KRT80: variants seen among roughly 807,000 people sequenced by gnomAD.
KRT80 encodes keratin, type II cytoskeletal 80.
A neutral mutation model predicts 51.5 loss-of-function variants in KRT80; 36 were observed. The ratio of observed to expected loss-of-function variants is 0.70; its 90% CI spans 0.54 to 0.92. KRT80 has a LOEUF of 0.92. Among genes scored for constraint, KRT80 ranks in the 40% least tolerant of loss-of-function variants. The pLI, the probability that KRT80 is intolerant of heterozygous loss-of-function variation, is 0.00. For synonymous variants in KRT80, 235 were observed against 248.3 expected (o/e 0.95, Z 0.50); for missense variants, 566 against 591.7 (o/e 0.96, Z 0.45).
intron 1 of KRT80, among the ~76,000 whole-genome samples, chr12:52,186,724 C>G (rs987646035): frequency 2.6e-5 from 4 of 152,214 alleles, no homozygotes; most frequent in Admixed American, 1.3e-4. Context: ...CAGTTAGGGA[C>G]AGTTTTGCCT....
At chr12:52,181,837 C>A (rs1189243095) in intron 2 of KRT80, among the ~76,000 whole-genome samples, 1 of 152,236 alleles carries the variant, frequency 6.6e-6, no homozygotes, top group Non-Finnish European at 1.5e-5. Context: ...CTCCAGACTT[C>A]TCGCTGGCCC....
chr12:52,186,491 C>A (rs1205507427), intron 1 of KRT80, among the ~76,000 whole-genome samples: 1 of 152,140 alleles, frequency 6.6e-6, no homozygotes, highest in East Asian at 1.9e-4. Context: ...CTGCAGCACC[C>A]CCATGGGTGG....
At chr12:52,173,562 T>C in intron 5 of KRT80, 38 bp downstream of exon 5, 1 of 1,603,478 alleles carries the variant, frequency 6.2e-7, no homozygotes, top group Non-Finnish European at 8.5e-7. Flanking sequence ...CAGAGAACTG[T>C]CCAGGCTGCT....
intron 1 of KRT80, among the ~76,000 whole-genome samples, chr12:52,188,973 G>C (rs576177612): frequency 6.6e-6 from 1 of 152,302 alleles, no homozygotes; most frequent in East Asian, 1.9e-4. Flanking sequence ...CAGGACCACC[G>C]GCAGAGCAGA....
chr12:52,177,280 A>C (rs1941242639), intron 4 of KRT80, among the ~76,000 whole-genome samples: 1 of 152,166 alleles, frequency 6.6e-6, no homozygotes, highest in South Asian at 2.1e-4. Context: ...TCAGGGGCAG[A>C]GCAGCCTATT....
intron 2 of KRT80, among the ~76,000 whole-genome samples, chr12:52,183,578 C>G (rs1382574688): frequency 1.3e-5 from 2 of 152,174 alleles, no homozygotes; most frequent in Non-Finnish European, 2.9e-5. Context: ...GTTCCCTACC[C>G]AGAGAGAGGA....
chr12:52,185,365 G>T lies in KRT80; in HGVS notation c.509+14C>A, dbSNP rs368564560. 2.1e-5 allele frequency: 33 copies of T among 1,597,432 alleles called. No homozygotes were observed. The African/African-American group carries it at 4.4e-4, about 21-fold the overall frequency. ...CTCAGGCCTTGCTCATGGCTCTCATGGGGCTCTACGTACCTGATTCGAAAC... is the reference window on the plus strand; with the variant it reads ...CTCAGGCCTTGCTCATGGCTCTCATTGGGCTCTACGTACCTGATTCGAAAC... On this transcript the variant is annotated intron_variant, in intron 2 of 8. Coordinates refer to ENST00000394815, the MANE Select transcript of KRT80 (RefSeq NM_182507.3).
intron 4 of KRT80, among the ~76,000 whole-genome samples, chr12:52,175,242 A>G (rs1366237950): frequency 6.6e-6 from 1 of 152,066 alleles, no homozygotes; most frequent in African/African-American, 2.4e-5. Flanking sequence ...CATTGTTCTT[A>G]TTGAACACAC....
chr12:52,184,887 C>T (rs770570803), intron 2 of KRT80, among the ~76,000 whole-genome samples: 1 of 152,218 alleles, frequency 6.6e-6, no homozygotes, highest in African/African-American at 2.4e-5. Flanking sequence ...AAATCAAACC[C>T]ATTCTTTCCA....
chr12:52,186,862 T>A (rs866630217), intron 1 of KRT80, among the ~76,000 whole-genome samples: 1 of 152,014 alleles, frequency 6.6e-6, no homozygotes, highest in African/African-American at 2.4e-5. Context: ...CCAGCTCAGC[T>A]TGGGGCTCCC....
Position 52,191,703 on chromosome 12 carries a change from G to A in KRT80, c.200C>T (p.Pro67Leu). ...AGCGGGGTCCAACTTGACATCCAGG[G>A]GCACCAGCAGGCCGGGGTTCACAGT... ...KVTVNPGLLV[P>L]LDVKLDPAVQ... The change falls in exon 1 of 9, where the codon CCC becomes CTC. Residue 67 changes from proline to leucine, a missense_variant. Coordinates refer to ENST00000394815, the MANE Select transcript of KRT80 (RefSeq NM_182507.3). 1 of 1,613,800 alleles carries A rather than the reference G, an allele frequency of 6.2e-7. No homozygotes were observed.
chr12:52,180,855 C>G, intron 3 of KRT80, 48 bp downstream of exon 3: 1 of 1,610,968 alleles, frequency 6.2e-7, no homozygotes, highest in Non-Finnish European at 8.5e-7. Flanking sequence ...GGAAAGAGGG[C>G]CCAGGGCCCA....
At chr12:52,186,321 G>A (rs1418275769) in intron 1 of KRT80, among the ~76,000 whole-genome samples, 1 of 152,082 alleles carries the variant, frequency 6.6e-6, no homozygotes, top group Admixed American at 6.5e-5. Context: ...CAGCACTGAG[G>A]CCTTCAGTTT....
intron 4 of KRT80, among the ~76,000 whole-genome samples, chr12:52,177,633 G>A (rs1941251295): frequency 9.2e-6 from 1 of 108,406 alleles, no homozygotes; most frequent in Non-Finnish European, 1.9e-5. Context: ...AATGTATCTT[G>A]GCTGTGTGTG....
chr12:52,177,299 A>G (rs1445779281), intron 4 of KRT80, among the ~76,000 whole-genome samples: 2 of 152,228 alleles, frequency 1.3e-5, no homozygotes, highest in Non-Finnish European at 2.9e-5. Flanking sequence ...TTCTCGGGGC[A>G]GCCTCCATGC....
At chr12:52,172,047 A>G (rs1592355621) in intron 7 of KRT80, 151 bp downstream of exon 7, 2 of 767,854 alleles carry the variant, frequency 2.6e-6, no homozygotes, top group Non-Finnish European at 4.2e-6. Context: ...AACTGGGCCA[A>G]GGTCCCAGTT....
chr12:52,182,691 C>T (rs1320016352), intron 2 of KRT80, among the ~76,000 whole-genome samples: 1 of 152,192 alleles, frequency 6.6e-6, no homozygotes, highest in African/African-American at 2.4e-5. Flanking sequence ...GCTGGCCTGG[C>T]AGCTGCCCTG....
At chr12:52,177,682 C>T (rs534880501) in intron 4 of KRT80, among the ~76,000 whole-genome samples, 3 of 142,400 alleles carry the variant, frequency 2.1e-5, no homozygotes, top group Admixed American at 7.4e-5. Flanking sequence ...TGTGTATGTA[C>T]ACACACACAT....
At chr12:52,183,868 C>T (rs1941362109) in intron 2 of KRT80, among the ~76,000 whole-genome samples, 1 of 152,006 alleles carries the variant, frequency 6.6e-6, no homozygotes, top group Non-Finnish European at 1.5e-5. Context: ...AAAGGAGGAT[C>T]CAGGGCTCCC....
Sources: gnomAD v4.1 joint callset for allele counts (sites outside exome capture counted in the v4.1 genomes callset) on GRCh38, gnomAD v4.1.1 for gene constraint, MANE v1.5 for transcripts, NCBI Gene and HGNC (gene_info 2026-07-23, HGNC 2026-07-21) for gene names.